SORCS2: variants seen among roughly 807,000 people sequenced by gnomAD.
The protein encoded by SORCS2 is sortilin related VPS10 domain containing receptor 2, also known as VPS10 domain-containing receptor SorCS2.
A neutral mutation model predicts 141.6 loss-of-function variants in SORCS2; 100 were observed. That is an observed-to-expected ratio of 0.71 (90% CI 0.60 to 0.83). SORCS2 has a LOEUF of 0.83. Ranked by LOEUF, SORCS2 falls within the 40% of genes least tolerant of loss-of-function variation. The pLI, the probability that SORCS2 is intolerant of heterozygous loss-of-function variation, is 0.00. For synonymous variants in SORCS2, 789 were observed against 676.9 expected, an observed-to-expected ratio of 1.17 and a Z score of -2.57; for missense variants, 1,646 against 1,560.2, an observed-to-expected ratio of 1.05 and a Z score of -0.93.
chr4:7,215,365 G>T (rs59762216), intron 1 of SORCS2, among the ~76,000 whole-genome samples: 1 of 152,184 alleles, frequency 6.6e-6, no homozygotes, highest in Non-Finnish European at 1.5e-5. Flanking sequence ...CTGCCTTTCC[G>T]CGGGGCAGGG....
At chr4:7,530,574 C>T (rs1243996990) in intron 2 of SORCS2, among the ~76,000 whole-genome samples, 9 of 152,202 alleles carry the variant, frequency 5.9e-5, no homozygotes, top group Admixed American at 3.9e-4. Context: ...AATGCTTCCC[C>T]GAGCACCTCT....
chr4:7,716,664 C>G (rs529659161), intron 17 of SORCS2, among the ~76,000 whole-genome samples: 1 of 144,806 alleles, frequency 6.9e-6, no homozygotes, highest in Non-Finnish European at 1.5e-5. Flanking sequence ...CATCCACCAT[C>G]TATCTATTCA....
At chr4:7,457,575 G>C (rs550806422) in intron 2 of SORCS2, among the ~76,000 whole-genome samples, 1 of 151,532 alleles carries the variant, frequency 6.6e-6, no homozygotes, top group Non-Finnish European at 1.5e-5. Flanking sequence ...TGTGAGCTGC[G>C]GTCAGAGGGC....
chr4:7,710,241 G>A (rs1006488617), intron 14 of SORCS2, among the ~76,000 whole-genome samples: 1 of 152,208 alleles, frequency 6.6e-6, no homozygotes, highest in African/African-American at 2.4e-5. Flanking sequence ...AGAGCCACCA[G>A]CCCGGGTTCC....
intron 3 of SORCS2, among the ~76,000 whole-genome samples, chr4:7,588,319 G>A (rs540195142): frequency 2.6e-5 from 4 of 152,282 alleles, no homozygotes; most frequent in South Asian, 2.1e-4. Flanking sequence ...ACTTTCATGC[G>A]GTTGTTGGTT....
chr4:7,305,861 T>A (rs1249083289), intron 1 of SORCS2, among the ~76,000 whole-genome samples: 1 of 152,180 alleles, frequency 6.6e-6, no homozygotes, highest in Non-Finnish European at 1.5e-5. Flanking sequence ...AGATGCTGCC[T>A]CTGGCAACTC....
intron 2 of SORCS2, among the ~76,000 whole-genome samples, chr4:7,463,486 T>C (rs1729432510): frequency 6.6e-6 from 1 of 152,108 alleles, no homozygotes; most frequent in African/African-American, 2.4e-5. Flanking sequence ...GTTTTATTTG[T>C]TGAAAATCCC....
chr4:7,373,413 T>C (rs1373866617), intron 1 of SORCS2, among the ~76,000 whole-genome samples: 1 of 146,090 alleles, frequency 6.8e-6, no homozygotes, highest in Admixed American at 6.8e-5. Flanking sequence ...GGGGTCATTT[T>C]ATAGTACGTT....
rs143130124 is a variant in SORCS2 at position 7,644,695 on chromosome 4, A to G, written c.813+6203A>G. 3.3e-3 allele frequency among the ~76,000 whole-genome samples: 506 copies of G among 152,334 alleles called. 4 individuals carry two copies. Among genetic ancestry groups the G allele is most frequent in the African/African-American group, 0.011 (477 of 41,584 alleles). Reference sequence around the variant, plus strand: ...ATAGAAGACACTGGCACACTCTTCTATGTGCCCTTCCTGGGCCCTCAAGCT... The same window carrying G: ...ATAGAAGACACTGGCACACTCTTCTGTGTGCCCTTCCTGGGCCCTCAAGCT... On this transcript the variant is annotated intron_variant, in intron 4 of 26. Coordinates refer to ENST00000507866, the MANE Select transcript of SORCS2 (RefSeq NM_020777.3).
intron 4 of SORCS2, among the ~76,000 whole-genome samples, chr4:7,641,863 G>A (rs1267483921): frequency 6.6e-6 from 1 of 151,182 alleles, no homozygotes; most frequent in Non-Finnish European, 1.5e-5. Context: ...TGGATGGATG[G>A]GTGGGTGGGT....
At chr4:7,376,766 A>G (rs1381789832) in intron 1 of SORCS2, among the ~76,000 whole-genome samples, 2 of 152,056 alleles carry the variant, frequency 1.3e-5, no homozygotes, top group Admixed American at 6.6e-5. Context: ...AGGGATCGTG[A>G]CCAACACTCC....
chr4:7,703,413 G>T, intron 13 of SORCS2, 42 bp downstream of exon 13: 1 of 1,544,904 alleles, frequency 6.5e-7, no homozygotes, highest in East Asian at 2.3e-5. Context: ...GGGCAGGCTG[G>T]GGCTCTTTCT....
At chr4:7,443,673 C>T (rs907141878) in intron 2 of SORCS2, among the ~76,000 whole-genome samples, 74 of 152,372 alleles carry the variant, frequency 4.9e-4, no homozygotes, top group African/African-American at 1.5e-3. Flanking sequence ...TGTTGAGACT[C>T]AGGACTTTGG....
intron 1 of SORCS2, among the ~76,000 whole-genome samples, chr4:7,215,266 C>T (rs1339205553): frequency 1.3e-5 from 2 of 152,220 alleles, no homozygotes; most frequent in African/African-American, 2.4e-5. Flanking sequence ...AGGGACTTAG[C>T]ACCCGGGCCA....
intron 19 of SORCS2, among the ~76,000 whole-genome samples, chr4:7,724,886 G>C (rs1028492195): frequency 4.1e-5 from 2 of 48,342 alleles, no homozygotes; most frequent in Non-Finnish European, 8.7e-5. Flanking sequence ...GATGGTGGTG[G>C]TGTTGGTGAT....
intron 1 of SORCS2, among the ~76,000 whole-genome samples, chr4:7,337,456 G>A (rs1220854796): frequency 6.6e-6 from 1 of 152,186 alleles, no homozygotes; most frequent in Admixed American, 6.5e-5. Flanking sequence ...CTTGGTGGAA[G>A]TTCAGGCAGA....
At chr4:7,632,387 C>T (rs1719949666) in intron 3 of SORCS2, among the ~76,000 whole-genome samples, 2 of 152,176 alleles carry the variant, frequency 1.3e-5, no homozygotes, top group Non-Finnish European at 2.9e-5. Flanking sequence ...ATAGAGGCTG[C>T]TGCCCAATTT....
intron 1 of SORCS2, among the ~76,000 whole-genome samples, chr4:7,328,566 G>T (rs913718549): frequency 6.6e-6 from 1 of 152,152 alleles, no homozygotes; most frequent in African/African-American, 2.4e-5. Context: ...AGTGGAGTTC[G>T]TTCATTCATC....
intron 21 of SORCS2, 23 bp from the exon 22 acceptor site, chr4:7,728,327 C>T: frequency 5.1e-6 from 8 of 1,581,598 alleles, no homozygotes; most frequent in Non-Finnish European, 6.9e-6. Context: ...ACTGACCAGT[C>T]TCCCTTCTCT....
Sources: allele counts gnomAD v4.1 joint callset (sites outside exome capture counted in the v4.1 genomes callset), GRCh38; gene constraint gnomAD v4.1.1; transcripts MANE v1.5; gene names NCBI Gene and HGNC (gene_info 2026-07-23, HGNC 2026-07-21).